LASP1: variants seen among roughly 807,000 people sequenced by gnomAD.
LASP1 encodes LIM and SH3 domain protein 1.
Under a neutral mutation model 38.6 loss-of-function variants are expected in LASP1, and 10 were observed. That is an observed-to-expected ratio of 0.26 (90% CI 0.16 to 0.44). The LOEUF is 0.44. Ranked by LOEUF, LASP1 falls within the 20% of genes least tolerant of loss-of-function variation. The pLI, the probability that LASP1 is intolerant of heterozygous loss-of-function variation, is 1.00. For synonymous variants in LASP1, 132 were observed against 140.8 expected (o/e 0.94, Z 0.44); for missense variants, 243 against 375.7 (o/e 0.65, Z 2.92).
Position 38,919,665 on chromosome 17 carries a change from C to T in LASP1, c.*887C>T. ...CTCAGGACCTTTTGGTCTTCAGCCTCCCTCAGCCCCCAGGATCTGGGTTAG... is the reference window on the plus strand; with the variant it reads ...CTCAGGACCTTTTGGTCTTCAGCCTTCCTCAGCCCCCAGGATCTGGGTTAG... On this transcript the variant is annotated 3_prime_UTR_variant, in exon 7 of 7. Coordinates refer to ENST00000318008, the MANE Select transcript of LASP1 (RefSeq NM_006148.4). 1 of 337,982 alleles carries T rather than the reference C, an allele frequency of 3.0e-6. No individual in the cohort carries two copies. The highest frequency in any genetic ancestry group is 5.7e-6 in the Non-Finnish European group (1 of 175,782). 20.9% of individuals were successfully genotyped at this position (337,982 alleles called of 1,614,324 possible).
At chr17:38,896,790 T>A in intron 3 of LASP1, 1 of 379,112 alleles carries the variant, frequency 2.6e-6, no homozygotes, top group African/African-American at 2.2e-5. Context: ...CACTCAGAAG[T>A]GGGAGACTGA....
rs188933970 is a variant in LASP1, at chr17:38,874,458, C to T, written c.70-3628C>T. On this transcript the variant is annotated intron_variant, in intron 1 of 6. Transcript: ENST00000318008. Reference sequence around the variant, plus strand: ...GGAGGGACTGGCCATTTTCTGCCTCCCCTCCCCACAATTTTCCTACCCCAA... The same window carrying T: ...GGAGGGACTGGCCATTTTCTGCCTCTCCTCCCCACAATTTTCCTACCCCAA... 1.3e-3 allele frequency among the ~76,000 whole-genome samples: 200 copies of T among 152,180 alleles called. 1 individual carries two copies. Among genetic ancestry groups the T allele is most frequent in the African/African-American group, 4.6e-3 (192 of 41,514 alleles).
At chr17:38,877,126 G>A (rs570249610) in intron 1 of LASP1, among the ~76,000 whole-genome samples, 9 of 152,360 alleles carry the variant, frequency 5.9e-5, no homozygotes, top group Admixed American at 5.9e-4. Context: ...GTTCACACCT[G>A]CTGTGCCCAG....
chr17:38,893,389 G>A (rs902544316), intron 3 of LASP1, among the ~76,000 whole-genome samples: 2 of 152,192 alleles, frequency 1.3e-5, no homozygotes, highest in African/African-American at 4.8e-5. Flanking sequence ...CCGTGATTCT[G>A]ATAAGGACTT....
intron 2 of LASP1, among the ~76,000 whole-genome samples, chr17:38,884,499 C>T (rs1395555528): frequency 5.3e-5 from 8 of 151,396 alleles, no homozygotes; most frequent in Non-Finnish European, 8.8e-5. Flanking sequence ...GCGGTTCTCC[C>T]GCCTCAGCCT....
rs114238618 is a variant in LASP1, at chr17:38,870,091, G to T, written c.-99G>T. On this transcript the variant is annotated 5_prime_UTR_variant, in exon 1 of 7. Coordinates refer to ENST00000318008, the MANE Select transcript of LASP1 (RefSeq NM_006148.4). ...CCCAGCTCCAGCCGCCGTCGCTGCT[G>T]CCTGTGTAGTTGCAGCCGCGGCCGC... 4,350 of 1,311,600 alleles carry T rather than the reference G, an allele frequency of 3.3e-3. 103 individuals carry two copies. The African/African-American group carries it at 0.05, about 15-fold the overall frequency. 81.2% of individuals were successfully genotyped at this position (1,311,600 alleles called of 1,614,324 possible). A position where few individuals can be genotyped will look rare whatever the true frequency, so the allele number is the denominator to read the frequency against.
chr17:38,881,322 G>A lies in LASP1; in HGVS notation c.164+3142G>A, dbSNP rs560045100. On this transcript the variant is annotated intron_variant, in intron 2 of 6. Transcript: ENST00000318008. ...AACTTCGTCCTGCTCAGTCACCCAG[G>A]CTGGAGTGCAGTGGAGTGATCATGG... Among the ~76,000 whole-genome samples the A allele has an allele frequency of 2.0e-5, 3 of 152,154 alleles. No individual in the cohort carries two copies. The South Asian group carries it at 6.2e-4, about 32-fold the overall frequency.
chr17:38,885,884 G>A (rs1464241464), intron 2 of LASP1, among the ~76,000 whole-genome samples: 1 of 152,186 alleles, frequency 6.6e-6, no homozygotes, highest in East Asian at 1.9e-4. Context: ...TTGAAGCCCG[G>A]CATGCTGGTG....
At position 38,920,264 on chromosome 17, in the gene LASP1, C is replaced by T. The variant is rs1340474834; in HGVS notation, c.*1486C>T. The T allele has an allele frequency of 2.3e-6, 1 of 427,752 alleles. No homozygotes were observed. Among genetic ancestry groups the T allele is most frequent in the East Asian group, 4.0e-5 (1 of 24,750 alleles). 26.5% of individuals were successfully genotyped at this position (427,752 alleles called of 1,614,324 possible). The stretch of plus-strand genomic sequence containing the variant: ...CAGAATAGGGTGGCAGAAGTGTCAC[C>T]CTGTGGGTGTCTCCCTCGGGGGCTC... On this transcript the variant is annotated 3_prime_UTR_variant, in exon 7 of 7. Coordinates refer to ENST00000318008, the MANE Select transcript of LASP1 (RefSeq NM_006148.4).
chr17:38,875,405 A>C (rs1359777315), intron 1 of LASP1, among the ~76,000 whole-genome samples: 2 of 151,320 alleles, frequency 1.3e-5, no homozygotes, highest in Non-Finnish European at 2.9e-5. Context: ...AGTCTGTCTT[A>C]GTGTCCCGGT....
At chr17:38,886,250 C>T (rs979066895) in intron 2 of LASP1, among the ~76,000 whole-genome samples, 2 of 151,876 alleles carry the variant, frequency 1.3e-5, no homozygotes, top group South Asian at 2.1e-4. Context: ...CGTAGTGAGC[C>T]GGGAGAGGGA....
intron 2 of LASP1, among the ~76,000 whole-genome samples, chr17:38,888,575 G>A (rs1914214309): frequency 6.6e-6 from 1 of 152,222 alleles, no homozygotes. Flanking sequence ...ACCATGCCCA[G>A]CCTGACATTT....
chr17:38,915,227 T>G (rs1335553601), intron 6 of LASP1, 81 bp downstream of exon 6: 1 of 1,121,780 alleles, frequency 8.9e-7, no homozygotes, highest in Admixed American at 1.9e-5. Flanking sequence ...TGGATTCTCC[T>G]GACCTTTGCA....
chr17:38,890,230 C>T (rs780459875), intron 2 of LASP1, 190 bp from the exon 3 acceptor site: 5 of 586,204 alleles, frequency 8.5e-6, no homozygotes, highest in Middle Eastern at 2.8e-4. Context: ...GTCAGCCAGT[C>T]CCAGCTGAGT....
intron 4 of LASP1, among the ~76,000 whole-genome samples, chr17:38,899,738 C>T (rs917928470): frequency 3.9e-5 from 5 of 127,310 alleles, no homozygotes; most frequent in African/African-American, 5.6e-5. Flanking sequence ...ACTTAGAGGG[C>T]GTTCAGATCT....
At chr17:38,898,826 A>G (rs1914562921) in intron 4 of LASP1, 2 of 477,994 alleles carry the variant, frequency 4.2e-6, no homozygotes, top group South Asian at 3.1e-5. Flanking sequence ...GTATCGGTGA[A>G]GACTGCATGT....
chr17:38,914,386 A>G lies in LASP1; in HGVS notation c.419A>G (p.Glu140Gly), dbSNP rs777903945. The change falls in exon 5 of 7, where the codon GAG becomes GGG. Residue 140 changes from glutamate (E) to glycine (G), a missense_variant. By Grantham distance (98) the Glu-to-Gly change is moderately conservative. This residue lies in a region of LASP1 where 165 missense variants were observed against 210.3 expected (regional missense o/e 0.78). Coordinates refer to ENST00000318008, the MANE Select transcript of LASP1 (RefSeq NM_006148.4). The part of the protein sequence containing the change: ...RMGPSGGEGM[E>G]PERRDSQDGS... The stretch of plus-strand genomic sequence containing the variant: ...GGCCCTAGCGGGGGCGAGGGCATGG[A>G]GCCAGAGCGTCGGGATTCACAGGAC... 6.2e-7 allele frequency: 1 copy of G among 1,612,244 alleles called. No homozygotes were observed. The highest frequency in any genetic ancestry group is 8.5e-7 in the Non-Finnish European group (1 of 1,179,962).
At chr17:38,870,302 T>A in intron 1 of LASP1, 44 bp downstream of exon 1, 1 of 1,601,316 alleles carries the variant, frequency 6.2e-7, no homozygotes, top group Non-Finnish European at 8.5e-7. Flanking sequence ...TCCCCCGCAG[T>A]GCTCCGAATC....
intron 1 of LASP1, among the ~76,000 whole-genome samples, chr17:38,875,056 CGTGT>C (rs3220064): frequency 5.7e-4 from 80 of 140,222 alleles, no homozygotes; most frequent in Admixed American, 1.5e-3. Context: ...TGTAGCCCTT[CGTGT>C]GTGTGTGTGT....
Sources: allele counts gnomAD v4.1 joint callset (sites outside exome capture counted in the v4.1 genomes callset), GRCh38; gene constraint gnomAD v4.1.1; regional missense constraint gnomAD v4.1.1; transcripts MANE v1.5; gene names NCBI Gene and HGNC (gene_info 2026-07-23, HGNC 2026-07-21).